SORCS1: variants seen among roughly 807,000 people sequenced by gnomAD.
The protein encoded by SORCS1 is sortilin related VPS10 domain containing receptor 1.
Under a neutral mutation model 146.1 loss-of-function variants are expected in SORCS1, and 60 were observed. The observed-to-expected ratio is 0.41, with a 90% confidence interval of 0.33 to 0.51. SORCS1 has a LOEUF of 0.51. SORCS1 is among the 20% of genes least tolerant of loss of function. The pLI is 0.21. For missense variants in SORCS1, 1,352 were observed against 1,487.6 expected (o/e 0.91, Z 1.50); for synonymous variants, 637 against 584.0 (o/e 1.09, Z -1.31).
At chr10:106,905,487 A>G (rs1425381927) in intron 2 of SORCS1, among the ~76,000 whole-genome samples, 1 of 152,232 alleles carries the variant, frequency 6.6e-6, no homozygotes, top group Non-Finnish European at 1.5e-5. Flanking sequence ...TTGTCCCATA[A>G]TTAGAAAACT....
At chr10:107,129,986 A>T (rs1257632452) in intron 1 of SORCS1, among the ~76,000 whole-genome samples, 1 of 152,224 alleles carries the variant, frequency 6.6e-6, no homozygotes, top group African/African-American at 2.4e-5. Context: ...ACCTCATCTA[A>T]CTTGAGCAGA....
At chr10:106,825,742 T>TG (rs1195233966) in intron 3 of SORCS1, among the ~76,000 whole-genome samples, 1 of 151,824 alleles carries the variant, frequency 6.6e-6, no homozygotes, top group African/African-American at 2.4e-5. Context: ...TGAACTGGGG[T>TG]GGGGGGAACT....
intron 1 of SORCS1, among the ~76,000 whole-genome samples, chr10:107,064,829 A>G (rs1002071008): frequency 9.2e-5 from 14 of 152,200 alleles, no homozygotes; most frequent in African/African-American, 3.4e-4. Context: ...TTCCATCTCT[A>G]TGATCTCCAT....
At chr10:106,667,875 C>G in intron 16 of SORCS1, 73 bp from the exon 17 acceptor site, 1 of 984,016 alleles carries the variant, frequency 1.0e-6, no homozygotes, top group Non-Finnish European at 1.6e-6. Context: ...CATCAGTCCA[C>G]AGCCAAGTTC....
At chr10:106,718,775 GAC>G (rs751114549) in intron 6 of SORCS1, among the ~76,000 whole-genome samples, 1 of 152,178 alleles carries the variant, frequency 6.6e-6, no homozygotes, top group Non-Finnish European at 1.5e-5. Context: ...CCTTTGGCTA[GAC>G]ACAGAGTGCT....
intron 25 of SORCS1, chr10:106,578,853 G>C: frequency 1.5e-6 from 2 of 1,371,930 alleles, no homozygotes; most frequent in Non-Finnish European, 1.9e-6. Context: ...ATATTTTAGG[G>C]AGGGTTTTGC....
At chr10:106,800,063 G>A (rs1017376769) in intron 3 of SORCS1, among the ~76,000 whole-genome samples, 6 of 152,142 alleles carry the variant, frequency 3.9e-5, no homozygotes, top group African/African-American at 1.4e-4. Context: ...CAGGGAGTCA[G>A]AATTGTCTGC....
chr10:107,165,633 T>A (rs1273554017), upstream of SORCS1, among the ~76,000 whole-genome samples: 1 of 152,168 alleles, frequency 6.6e-6, no homozygotes, highest in East Asian at 1.9e-4. The surrounding 1 kb of genome is among the most constrained non-coding windows in gnomAD (Gnocchi z 4.0). Context: ...AATAAATATT[T>A]ATTGTGAGTC....
chr10:106,662,424 C>G (rs1850800611), intron 17 of SORCS1, among the ~76,000 whole-genome samples: 1 of 152,102 alleles, frequency 6.6e-6, no homozygotes, highest in Admixed American at 6.5e-5. Flanking sequence ...TTCATTTTCC[C>G]ACTGCATGTC....
chr10:106,658,748 T>C (rs1850492715), intron 17 of SORCS1, among the ~76,000 whole-genome samples: 2 of 152,182 alleles, frequency 1.3e-5, no homozygotes, highest in African/African-American at 4.8e-5. Flanking sequence ...AAAAGAGCTA[T>C]GTAACTATAG....
At chr10:106,952,619 T>G (rs1954743835) in intron 2 of SORCS1, among the ~76,000 whole-genome samples, 1 of 149,028 alleles carries the variant, frequency 6.7e-6, no homozygotes, top group African/African-American at 2.5e-5. Flanking sequence ...TTATACATAT[T>G]TTTCCACCTT....
At chr10:106,914,814 G>A (rs893753053) in intron 2 of SORCS1, among the ~76,000 whole-genome samples, 26 of 152,118 alleles carry the variant, frequency 1.7e-4, no homozygotes, top group Non-Finnish European at 8.8e-5. Context: ...TGGAAGTGGT[G>A]CCCTCTCATG....
intron 15 of SORCS1, among the ~76,000 whole-genome samples, chr10:106,671,955 CA>C (rs1283466323): frequency 6.6e-6 from 1 of 152,166 alleles, no homozygotes; most frequent in Non-Finnish European, 1.5e-5. Flanking sequence ...GAGAAAATAT[CA>C]GCAATGTAAA....
intron 25 of SORCS1, chr10:106,579,002 G>C: frequency 2.0e-6 from 3 of 1,519,190 alleles, no homozygotes; most frequent in African/African-American, 1.4e-5. Context: ...GCAAAAGAAA[G>C]TGGTTATGTC....
chr10:107,124,593 G>A (rs556902422), intron 1 of SORCS1, among the ~76,000 whole-genome samples: 2 of 152,038 alleles, frequency 1.3e-5, no homozygotes, highest in Admixed American at 6.5e-5. Context: ...CATTTTGCTG[G>A]GAACTGGTGG....
intron 1 of SORCS1, among the ~76,000 whole-genome samples, chr10:107,146,351 C>A (rs137860753): frequency 3.3e-5 from 5 of 152,268 alleles, no homozygotes; most frequent in Admixed American, 1.3e-4. Flanking sequence ...AAATGTTCAT[C>A]TGATTTCAAA....
At chr10:106,833,657 C>T (rs1397200748) in intron 2 of SORCS1, among the ~76,000 whole-genome samples, 18 of 152,128 alleles carry the variant, frequency 1.2e-4, no homozygotes, top group Non-Finnish European at 2.5e-4. Flanking sequence ...AAAAAACTTG[C>T]TCCAGCACCA....
chr10:106,627,630 T>C (rs765904409), intron 19 of SORCS1, among the ~76,000 whole-genome samples: 37 of 152,324 alleles, frequency 2.4e-4, no homozygotes, highest in South Asian at 6.2e-4. Context: ...TGAAAGTCTA[T>C]ATAGGACGAG....
At chr10:107,121,638 T>C (rs1375452739) in intron 1 of SORCS1, among the ~76,000 whole-genome samples, 1 of 150,172 alleles carries the variant, frequency 6.7e-6, no homozygotes, top group Admixed American at 6.6e-5. Context: ...AATCACAGGG[T>C]ATTAAGTAAC....
Sources: gnomAD v4.1 joint callset for allele counts (sites outside exome capture counted in the v4.1 genomes callset) on GRCh38, gnomAD v4.1.1 for gene constraint, Gnocchi (gnomAD v3.1) non-coding constraint, MANE v1.5 for transcripts, NCBI Gene and HGNC (gene_info 2026-07-23, HGNC 2026-07-21) for gene names.